The following NHSL2 variants were observed in gnomAD, a reference collection of about 807,000 sequenced individuals.
NHSL2 encodes the protein NHS-like protein 2.
Under a neutral mutation model 53.4 loss-of-function variants are expected in NHSL2, and 27 were observed. That is an observed-to-expected ratio of 0.51 (90% CI 0.37 to 0.70). The LOEUF (loss-of-function observed/expected upper bound fraction) is 0.70, where lower values mean the gene tolerates loss of function less well. Among genes scored for constraint, NHSL2 ranks in the 30% least tolerant of loss-of-function variants. NHSL2 has a pLI of 0.00. For synonymous variants in NHSL2, 408 were observed against 404.1 expected (o/e 1.01, Z -0.12); for missense variants, 892 against 980.1 (o/e 0.91, Z 1.20).
Position 72,144,514 on chromosome X carries a change from A to ATCAAAGGG in NHSL2, c.*947_*948insGTCAAAGG, listed in dbSNP as rs1569484946. 2 of 1,022,800 alleles carry ATCAAAGGG rather than the reference A, an allele frequency of 2.0e-6. No homozygotes were observed. The highest frequency in any genetic ancestry group is 2.6e-6 in the Non-Finnish European group (2 of 774,261). 84.3% of individuals were successfully genotyped at this position (1,022,800 alleles called of 1,213,427 possible). On this transcript the variant is annotated 3_prime_UTR_variant, in exon 8 of 8. Transcript: ENST00000633930. ...AGTAATTAACTGAAGGAACAGCATCATCAAAGGCTCAAGGATAATGGAAAG... is the reference window on the plus strand; with the variant it reads ...AGTAATTAACTGAAGGAACAGCATCATCAAAGGGTCAAAGGCTCAAGGATAATGGAAAG...
At chrX:71,922,506 AAT>A (rs1303108718) in intron 1 of NHSL2, among the ~76,000 whole-genome samples, 1 of 112,291 alleles carries the variant, frequency 8.9e-6, no homozygotes, top group Non-Finnish European at 1.9e-5. Flanking sequence ...GAGGATGATA[AAT>A]AAGGCATCAA....
intron 1 of NHSL2, chrX:72,130,370 CCTT>C (rs749168615): frequency 7.6e-5 from 89 of 1,165,905 alleles, no homozygotes; most frequent in Admixed American, 2.6e-4. Flanking sequence ...TCCTTCTCTT[CCTT>C]CTTCTTCATT....
intron 1 of NHSL2, among the ~76,000 whole-genome samples, chrX:72,119,676 C>T (rs185366291): frequency 4.3e-4 from 48 of 112,338 alleles, no homozygotes; most frequent in African/African-American, 1.3e-3. Context: ...TTTCTATGTA[C>T]AAGATTATGT....
chrX:72,090,323 C>T (rs1254130298), intron 1 of NHSL2, among the ~76,000 whole-genome samples: 2 of 111,493 alleles, frequency 1.8e-5, no homozygotes, highest in Non-Finnish European at 3.8e-5. Flanking sequence ...CCTCAGCCTC[C>T]CAAAGTGCTG....
At chrX:71,916,552 A>G (rs1280631854) in intron 1 of NHSL2, among the ~76,000 whole-genome samples, 2 of 111,474 alleles carry the variant, frequency 1.8e-5, no homozygotes, top group Non-Finnish European at 3.8e-5. Flanking sequence ...AGGAGCTGCC[A>G]AGCTGCAGAG....
At chrX:72,084,769 G>A (rs1218989076) in intron 1 of NHSL2, among the ~76,000 whole-genome samples, 2 of 112,084 alleles carry the variant, frequency 1.8e-5, no homozygotes, top group African/African-American at 6.5e-5. Flanking sequence ...AGGAGGCAGC[G>A]AGGAGAGAAC....
chrX:71,988,987 C>A (rs749339795), intron 1 of NHSL2, among the ~76,000 whole-genome samples: 1 of 111,022 alleles, frequency 9.0e-6, no homozygotes, highest in Non-Finnish European at 1.9e-5. Context: ...TTTTGGTTAC[C>A]CCAGTAAGCT....
chrX:72,054,767 A>G (rs1303571796), intron 1 of NHSL2, among the ~76,000 whole-genome samples: 2 of 111,148 alleles, frequency 1.8e-5, no homozygotes, highest in Non-Finnish European at 3.8e-5. Flanking sequence ...ATACTCATCT[A>G]TATTCTCCCC....
In NHSL2 at chrX:72,145,414, T is replaced by A. The variant is rs1214607457; in HGVS notation, c.*1840T>A. On this transcript the variant is annotated 3_prime_UTR_variant, in exon 8 of 8. Coordinates refer to ENST00000633930, the MANE Select transcript of NHSL2 (RefSeq NM_001013627.3). ...AACAGGCCAGGCCCACCAACTCCCTTGCAACCAGCACTTCGACACTTAAAA... is the reference window on the plus strand; with the variant it reads ...AACAGGCCAGGCCCACCAACTCCCTAGCAACCAGCACTTCGACACTTAAAA... The A allele has an allele frequency of 3.6e-5, 4 of 112,414 alleles. No homozygotes were observed. The highest frequency in any genetic ancestry group is 7.5e-5 in the Non-Finnish European group (4 of 53,310). The allele number at this position is 112,414 out of a possible 1,213,427, so 9.3% of individuals were successfully genotyped here.
chrX:71,921,918 G>A (rs2147813966), intron 1 of NHSL2, among the ~76,000 whole-genome samples: 1 of 112,030 alleles, frequency 8.9e-6, no homozygotes, highest in South Asian at 3.7e-4. Context: ...TAATAATACG[G>A]CATAAGAGTG....
intron 1 of NHSL2, among the ~76,000 whole-genome samples, chrX:71,924,922 AC>A (rs890518165): frequency 9.0e-5 from 10 of 111,079 alleles, no homozygotes; most frequent in African/African-American, 3.0e-4. Flanking sequence ...ACAAAAAATC[AC>A]CCCCCCTCCC....
chrX:72,128,061 GGA>G (rs2042245162), intron 1 of NHSL2: 2 of 111,962 alleles, frequency 1.8e-5, no homozygotes, highest in Admixed American at 9.4e-5. Flanking sequence ...TTTTCTCTTT[GGA>G]GAGAGGGGAT....
At chrX:72,106,675 T>C (rs2042043334) in intron 1 of NHSL2, among the ~76,000 whole-genome samples, 1 of 112,168 alleles carries the variant, frequency 8.9e-6, no homozygotes, top group Admixed American at 9.4e-5. Context: ...GATATGTTTA[T>C]TGTGGCACTA....
chrX:72,030,655 G>C (rs950500119), intron 1 of NHSL2, among the ~76,000 whole-genome samples: 1 of 112,017 alleles, frequency 8.9e-6, no homozygotes, highest in Non-Finnish European at 1.9e-5. Context: ...TGGCATGCTG[G>C]TAAATGTTTA....
intron 1 of NHSL2, among the ~76,000 whole-genome samples, chrX:71,917,263 T>G: frequency 4.0e-5 from 1 of 25,115 alleles, no homozygotes; most frequent in Non-Finnish European, 6.8e-5. Context: ...CCCTCCCCCC[T>G]CCCTCCCTCC....
At chrX:71,942,343 T>C (rs1247638573) in intron 1 of NHSL2, among the ~76,000 whole-genome samples, 2 of 112,114 alleles carry the variant, frequency 1.8e-5, no homozygotes, top group Non-Finnish European at 3.8e-5. Context: ...AAGATTCTTT[T>C]TCCCCTGAAG....
intron 1 of NHSL2, chrX:72,131,163 C>T: frequency 9.3e-7 from 1 of 1,079,855 alleles, no homozygotes; most frequent in Non-Finnish European, 1.2e-6. Context: ...CCGGCGGGGG[C>T]GGGATGGGCA....
chrX:71,986,581 T>G (rs1330751711), intron 1 of NHSL2, among the ~76,000 whole-genome samples: 1 of 112,607 alleles, frequency 8.9e-6, no homozygotes, highest in East Asian at 2.8e-4. Context: ...AAACCAAATT[T>G]CATATTTGCA....
intron 1 of NHSL2, among the ~76,000 whole-genome samples, chrX:71,988,212 G>A (rs2042011382): frequency 8.9e-6 from 1 of 111,805 alleles, no homozygotes; most frequent in South Asian, 3.7e-4. Context: ...AAAAGTTCAG[G>A]TTTTGTTGAA....
Sources: allele counts gnomAD v4.1 joint callset (sites outside exome capture counted in the v4.1 genomes callset), GRCh38; gene constraint gnomAD v4.1.1; transcripts MANE v1.5; gene names NCBI Gene and HGNC (gene_info 2026-07-23, HGNC 2026-07-21).